Variants in MARCHF3 observed in about 807,000 individuals in gnomAD.
MARCHF3 encodes E3 ubiquitin-protein ligase MARCHF3.
MARCHF3 carries 13 observed loss-of-function variants against 24.2 expected under a neutral mutation model. The observed-to-expected ratio is 0.54, with a 90% CI of 0.35 to 0.85. MARCHF3 has a LOEUF of 0.85. Among genes scored for constraint, MARCHF3 ranks in the 40% least tolerant of loss-of-function variants. MARCHF3 has a pLI of 0.01. For synonymous variants in MARCHF3, 144 were observed against 137.3 expected (o/e 1.05, Z -0.34); for missense variants, 276 against 325.0 (o/e 0.85, Z 1.16).
At chr5:126,906,554 A>G (rs1754304868) in intron 3 of MARCHF3, among the ~76,000 whole-genome samples, 4 of 152,154 alleles carry the variant, frequency 2.6e-5, no homozygotes, top group African/African-American at 7.2e-5. Flanking sequence ...GGGAGAGTGT[A>G]TGTGTCCAGG....
At chr5:126,897,355 C>T (rs986744110) in intron 3 of MARCHF3, among the ~76,000 whole-genome samples, 3 of 151,898 alleles carry the variant, frequency 2.0e-5, no homozygotes, top group East Asian at 3.9e-4. Context: ...TTTAAGGATG[C>T]GGATTTGGAT....
intron 1 of MARCHF3, among the ~76,000 whole-genome samples, chr5:127,024,727 G>T (rs1752938350): frequency 6.6e-6 from 1 of 152,042 alleles, no homozygotes; most frequent in Non-Finnish European, 1.5e-5. Flanking sequence ...AGTGTTCAAG[G>T]GTATAATCTG....
chr5:127,015,642 G>A (rs1752616681), intron 1 of MARCHF3, among the ~76,000 whole-genome samples: 1 of 152,164 alleles, frequency 6.6e-6, no homozygotes, highest in Admixed American at 6.5e-5. Context: ...CTGAGGTAAA[G>A]CTATTTTTCA....
chr5:126,883,718 G>C (rs978428983), intron 3 of MARCHF3, among the ~76,000 whole-genome samples: 2 of 152,214 alleles, frequency 1.3e-5, no homozygotes, highest in Non-Finnish European at 2.9e-5. Flanking sequence ...GGGGGTGCCA[G>C]AGGTGCTGTG....
At chr5:126,909,682 C>T (rs934304012) in intron 3 of MARCHF3, among the ~76,000 whole-genome samples, 2 of 152,150 alleles carry the variant, frequency 1.3e-5, no homozygotes, top group African/African-American at 4.8e-5. Context: ...GCACACGGTG[C>T]CCGCACCCAC....
chr5:126,917,998 A>G lies in MARCHF3; in HGVS notation c.174T>C (p.Thr58=). ...DGQLLSTVVR[T]LATQSPFNDR... ...TGTGGTACTACCTCTGGGTGGCAAG[A>G]GTCCGCACTACTGTTGACAGCAGCT... Residue 58 remains threonine, a synonymous_variant, in exon 2 of 5, where the codon ACT becomes ACC. Transcript: ENST00000308660. 1 of 1,613,986 alleles carries G rather than the reference A, an allele frequency of 6.2e-7. No homozygotes were observed.
At chr5:126,968,619 A>G (rs1750895352) in intron 1 of MARCHF3, among the ~76,000 whole-genome samples, 1 of 152,190 alleles carries the variant, frequency 6.6e-6, no homozygotes. Flanking sequence ...TCTGTTGCCC[A>G]TGCTGGAGTG....
chr5:126,920,099 C>CAAAG (rs1319798658), intron 1 of MARCHF3, among the ~76,000 whole-genome samples: 1 of 152,098 alleles, frequency 6.6e-6, no homozygotes, highest in African/African-American at 2.4e-5. Flanking sequence ...TGGAAGAGCA[C>CAAAG]AAAGAACACA....
chr5:126,946,855 A>G (rs1304943441), intron 1 of MARCHF3, among the ~76,000 whole-genome samples: 1 of 150,962 alleles, frequency 6.6e-6, no homozygotes, highest in African/African-American at 2.4e-5. Context: ...CGCTGTTTTT[A>G]TTAACTCAGT....
chr5:126,919,503 T>G (rs116367212), intron 1 of MARCHF3, among the ~76,000 whole-genome samples: 2 of 152,286 alleles, frequency 1.3e-5, no homozygotes, highest in Admixed American at 1.3e-4. Flanking sequence ...CCCAAGAGGA[T>G]TCCTGGAATT....
At chr5:127,019,959 G>A (rs765442080) in intron 1 of MARCHF3, among the ~76,000 whole-genome samples, 1 of 152,176 alleles carries the variant, frequency 6.6e-6, no homozygotes, top group Non-Finnish European at 1.5e-5. Flanking sequence ...AGAATCCTGG[G>A]ATAGGAGATG....
At chr5:126,961,722 T>C (rs562983321) in intron 1 of MARCHF3, among the ~76,000 whole-genome samples, 9 of 152,278 alleles carry the variant, frequency 5.9e-5, no homozygotes, top group Non-Finnish European at 1.0e-4. Context: ...GAAGTAGTAA[T>C]AGTATGAAGT....
intron 1 of MARCHF3, among the ~76,000 whole-genome samples, chr5:127,010,775 C>A (rs78098614): frequency 0.014 from 2,143 of 152,200 alleles, 47 homozygotes; most frequent in African/African-American, 0.049. Context: ...CATGAGTAAA[C>A]CTTCAGGACA....
chr5:126,910,276 C>CTA (rs1033413907), intron 3 of MARCHF3, among the ~76,000 whole-genome samples: 2 of 152,168 alleles, frequency 1.3e-5, no homozygotes, highest in African/African-American at 4.8e-5. Context: ...GTCTCAAAGC[C>CTA]TAGTGGCAAA....
At chr5:126,885,348 G>A (rs539558787) in intron 3 of MARCHF3, among the ~76,000 whole-genome samples, 7 of 152,184 alleles carry the variant, frequency 4.6e-5, no homozygotes, top group South Asian at 2.1e-4. Flanking sequence ...CAGGTGGATC[G>A]TCTGAGGGCA....
intron 1 of MARCHF3, among the ~76,000 whole-genome samples, chr5:126,971,624 C>G (rs1239573105): frequency 1.3e-5 from 2 of 152,130 alleles, no homozygotes; most frequent in Non-Finnish European, 2.9e-5. Context: ...CACTCAGCAG[C>G]TCTTACACTG....
intron 1 of MARCHF3, among the ~76,000 whole-genome samples, chr5:126,990,251 C>T (rs1751706332): frequency 6.6e-6 from 1 of 152,028 alleles, no homozygotes. Flanking sequence ...CACACATCTA[C>T]AACCATTTGA....
At chr5:126,940,347 C>T (rs568826705) in intron 1 of MARCHF3, among the ~76,000 whole-genome samples, 141 of 152,310 alleles carry the variant, frequency 9.3e-4, no homozygotes, top group Non-Finnish European at 1.7e-3. Flanking sequence ...TCCTTTACTC[C>T]TAATAGCCTC....
chr5:126,936,815 G>C (rs552892073), intron 1 of MARCHF3, among the ~76,000 whole-genome samples: 1 of 152,220 alleles, frequency 6.6e-6, no homozygotes, highest in Admixed American at 6.5e-5. Flanking sequence ...ATAATCCAAA[G>C]GCAACCACAG....
Sources: gnomAD v4.1 joint callset for allele counts (sites outside exome capture counted in the v4.1 genomes callset) on GRCh38, gnomAD v4.1.1 for gene constraint, MANE v1.5 for transcripts, NCBI Gene and HGNC (gene_info 2026-07-23, HGNC 2026-07-21) for gene names.